TMEM132D: variants seen among roughly 807,000 people sequenced by gnomAD.
The protein encoded by TMEM132D is mature OL transmembrane protein.
In TMEM132D, 21 loss-of-function variants were observed where a neutral mutation model predicts 62.3. That is an observed-to-expected ratio of 0.34 (90% CI 0.24 to 0.49). The LOEUF is 0.49. TMEM132D is among the 20% of genes least tolerant of loss of function. The pLI, the probability that TMEM132D is intolerant of heterozygous loss-of-function variation, is 0.99. For synonymous variants in TMEM132D, 621 were observed against 575.6 expected, an observed-to-expected ratio of 1.08 and a Z score of -1.13; for missense variants, 1,346 against 1,402.8, an observed-to-expected ratio of 0.96 and a Z score of 0.65.
intron 2 of TMEM132D, among the ~76,000 whole-genome samples, chr12:129,627,938 G>C (rs1325986348): frequency 2.0e-5 from 3 of 152,200 alleles, no homozygotes; most frequent in Non-Finnish European, 4.4e-5. Flanking sequence ...AGTGAGCTGA[G>C]ATCGCATCAC....
chr12:129,097,698 A>G (rs1305924967), intron 5 of TMEM132D, among the ~76,000 whole-genome samples: 1 of 152,258 alleles, frequency 6.6e-6, no homozygotes, highest in East Asian at 1.9e-4. Context: ...ATCATAGTCT[A>G]GAGTTATCTC....
At chr12:129,517,589 G>A (rs1243575973) in intron 3 of TMEM132D, among the ~76,000 whole-genome samples, 2 of 152,102 alleles carry the variant, frequency 1.3e-5, no homozygotes, top group Non-Finnish European at 2.9e-5. Context: ...GGACCCATGG[G>A]AGCATATTTA....
rs140274690 is a variant in TMEM132D, at chr12:129,569,212, T to C, written c.969-38007A>G. On this transcript the variant is annotated intron_variant, in intron 2 of 8. Coordinates refer to ENST00000422113, the MANE Select transcript of TMEM132D (RefSeq NM_133448.3). Reference sequence around the variant, plus strand: ...ATAACCTGATCAATGAGATCTCAAATGGGTTTACACAATGCTAAAGATCTT... The same window carrying C: ...ATAACCTGATCAATGAGATCTCAAACGGGTTTACACAATGCTAAAGATCTT... Among the ~76,000 whole-genome samples the C allele has an allele frequency of 1.3e-4, 20 of 152,310 alleles. 1 individual carries two copies. The East Asian group carries it at 3.9e-3, about 29-fold the overall frequency.
At chr12:129,901,688 C>T (rs1875356142) in intron 1 of TMEM132D, among the ~76,000 whole-genome samples, 1 of 152,194 alleles carries the variant, frequency 6.6e-6, no homozygotes, top group East Asian at 1.9e-4. Context: ...CAATTCTCTT[C>T]AACACTGCTC....
At chr12:129,713,281 C>T (rs1404756600) in intron 1 of TMEM132D, among the ~76,000 whole-genome samples, 1 of 152,134 alleles carries the variant, frequency 6.6e-6, no homozygotes, top group Admixed American at 6.5e-5. Context: ...AAGCCAATTT[C>T]TGTACAGAGT....
chr12:129,876,943 T>C (rs894774788), intron 1 of TMEM132D, among the ~76,000 whole-genome samples: 3 of 152,118 alleles, frequency 2.0e-5, no homozygotes, highest in Admixed American at 6.5e-5. Context: ...CTATATGAAC[T>C]GATACAGAGG....
intron 1 of TMEM132D, among the ~76,000 whole-genome samples, chr12:129,898,941 C>T (rs139278301): frequency 2.0e-5 from 3 of 152,272 alleles, no homozygotes; most frequent in East Asian, 3.9e-4. Context: ...CTTAAAGCAA[C>T]GGAGTAATGG....
At chr12:129,256,324 A>G (rs1315705273) in intron 4 of TMEM132D, among the ~76,000 whole-genome samples, 1 of 152,246 alleles carries the variant, frequency 6.6e-6, no homozygotes, top group Non-Finnish European at 1.5e-5. Flanking sequence ...CAGTGGCGGA[A>G]TGACATGGTG....
At chr12:129,710,420 C>A (rs1055041098) in intron 1 of TMEM132D, among the ~76,000 whole-genome samples, 4 of 152,042 alleles carry the variant, frequency 2.6e-5, no homozygotes, top group Admixed American at 2.0e-4. Context: ...CTCAGCCTCC[C>A]AAGTAGCTGG....
chr12:129,762,168 T>G (rs1439230848), intron 1 of TMEM132D, among the ~76,000 whole-genome samples: 1 of 152,140 alleles, frequency 6.6e-6, no homozygotes, highest in East Asian at 1.9e-4. Context: ...CAATTATGTG[T>G]GTCCATTTTT....
intron 5 of TMEM132D, among the ~76,000 whole-genome samples, chr12:129,208,448 C>G (rs145190998): frequency 8.5e-5 from 13 of 152,172 alleles, no homozygotes; most frequent in African/African-American, 3.1e-4. Flanking sequence ...CTCTCTGAAA[C>G]CCATAAGGAT....
intron 1 of TMEM132D, among the ~76,000 whole-genome samples, chr12:129,828,433 G>C (rs1427934032): frequency 6.6e-6 from 1 of 151,720 alleles, no homozygotes; most frequent in African/African-American, 2.4e-5. Flanking sequence ...TAACAATTCT[G>C]ATTTATCCAT....
intron 4 of TMEM132D, among the ~76,000 whole-genome samples, chr12:129,253,896 TC>T (rs1175283175): frequency 6.6e-6 from 1 of 152,098 alleles, no homozygotes; most frequent in Non-Finnish European, 1.5e-5. Context: ...TCCTACCAAA[TC>T]CTTTTGAATC....
intron 4 of TMEM132D, among the ~76,000 whole-genome samples, chr12:129,265,704 G>A (rs1036804351): frequency 6.6e-6 from 1 of 151,820 alleles, no homozygotes; most frequent in Non-Finnish European, 1.5e-5. Context: ...GGGCTTTTGC[G>A]GTTGCTACAC....
intron 3 of TMEM132D, 24 bp downstream of exon 3, chr12:129,531,035 T>C (rs780807801): frequency 1.9e-6 from 3 of 1,588,274 alleles, no homozygotes; most frequent in South Asian, 1.1e-5. Flanking sequence ...GATCTGAATA[T>C]ATCGGAGGCC....
Position 129,395,683 on chromosome 12 carries a change from A to ATGTATATCTACATAGATATATC in TMEM132D, c.1116-57888_1116-57867dup, listed in dbSNP as rs1427235358. 4.3e-5 allele frequency among the ~76,000 whole-genome samples: 5 copies of ATGTATATCTACATAGATATATC among 116,410 alleles called. No homozygotes were observed. The East Asian group carries it at 1.6e-3, about 37-fold the overall frequency. 76.4% of individuals were successfully genotyped at this position (116,410 alleles called of 152,430 possible). A position where few individuals can be genotyped will look rare whatever the true frequency, so the allele number is the denominator to read the frequency against. ...AGATAAAATACTATTATGTCTGTAT[A>ATGTATATCTACATAGATATATC]TGTATATCTACATAGATATATCTGT... On this transcript the variant is annotated intron_variant, in intron 3 of 8. Coordinates refer to ENST00000422113, the MANE Select transcript of TMEM132D (RefSeq NM_133448.3).
At chr12:129,738,315 GA>G (rs1334134180) in intron 1 of TMEM132D, among the ~76,000 whole-genome samples, 3 of 151,430 alleles carry the variant, frequency 2.0e-5, no homozygotes, top group Non-Finnish European at 2.9e-5. Context: ...TTGCAGGAGG[GA>G]AAAAAAGGAG....
chr12:129,720,999 G>C (rs7962736), intron 1 of TMEM132D, among the ~76,000 whole-genome samples: 76,040 of 152,096 alleles, frequency 0.5, 19,317 homozygotes, highest in Middle Eastern at 0.6. Flanking sequence ...CACTGCAGGG[G>C]AAGATGGGGC....
intron 1 of TMEM132D, among the ~76,000 whole-genome samples, chr12:129,820,612 C>G (rs1872518661): frequency 6.6e-6 from 1 of 152,150 alleles, no homozygotes. Context: ...TTTCAGCAGC[C>G]TTTTGGAAGC....
Sources: gnomAD v4.1 joint callset for allele counts (sites outside exome capture counted in the v4.1 genomes callset) on GRCh38, gnomAD v4.1.1 for gene constraint, MANE v1.5 for transcripts, NCBI Gene and HGNC (gene_info 2026-07-23, HGNC 2026-07-21) for gene names.